Variants in TRRAP observed in about 807,000 individuals in gnomAD.
The protein encoded by TRRAP is transformation/transcription domain-associated protein.
In TRRAP, 41 loss-of-function variants were observed where a neutral mutation model predicts 438.8. That is an observed-to-expected ratio of 0.09 (90% CI 0.07 to 0.12). The LOEUF is 0.12. TRRAP is among the 10% of genes least tolerant of loss of function. The pLI, the probability that TRRAP is intolerant of heterozygous loss-of-function variation, is 1.00. For synonymous variants in TRRAP, 1,994 were observed against 1,962.9 expected (o/e 1.02, Z -0.42); for missense variants, 3,122 against 5,055.1 (o/e 0.62, Z 11.60).
At chr7:98,886,519 T>G (rs1207349043) in intron 3 of TRRAP, among the ~76,000 whole-genome samples, 2 of 151,900 alleles carry the variant, frequency 1.3e-5, no homozygotes, top group African/African-American at 4.8e-5. Context: ...TAGAGAGATA[T>G]AGATATCTAG....
At chr7:98,909,455 C>T (rs1461793917) in intron 14 of TRRAP, among the ~76,000 whole-genome samples, 1 of 152,186 alleles carries the variant, frequency 6.6e-6, no homozygotes. Context: ...TTCATCTTTT[C>T]ACTTGGGGTG....
intron 31 of TRRAP, among the ~76,000 whole-genome samples, 190 bp from the exon 32 acceptor site, chr7:98,945,557 C>T (rs1360361235): frequency 2.0e-5 from 3 of 152,136 alleles, no homozygotes; most frequent in Non-Finnish European, 4.4e-5. Context: ...TCAGATGGGC[C>T]GTGTTTTGAC....
chr7:98,942,144 C>A (rs1790824744), intron 30 of TRRAP, among the ~76,000 whole-genome samples: 1 of 152,192 alleles, frequency 6.6e-6, no homozygotes, highest in East Asian at 1.9e-4. Flanking sequence ...CTACCAGGTG[C>A]CTGGGTTAAG....
Position 98,967,873 on chromosome 7 carries a change from C to A in TRRAP, c.7512+175C>A, listed in dbSNP as rs376849757. On this transcript the variant is annotated intron_variant, in intron 51 of 72. Transcript: ENST00000456197. ...CTTCAGGGCAAGCGTTCATCTAAAGCGTTTTTGGGCTGATTTAAAATCCTG... is the reference window on the plus strand; with the variant it reads ...CTTCAGGGCAAGCGTTCATCTAAAGAGTTTTTGGGCTGATTTAAAATCCTG... Among the ~76,000 whole-genome samples the A allele has an allele frequency of 2.0e-5, 3 of 152,156 alleles. No homozygotes were observed. In the East Asian group the frequency reaches 5.8e-4, roughly 29 times the overall value.
chr7:98,885,526 G>A (rs898020658), intron 3 of TRRAP, among the ~76,000 whole-genome samples: 21 of 151,996 alleles, frequency 1.4e-4, no homozygotes, highest in African/African-American at 4.6e-4. Flanking sequence ...CTGTAGCAAT[G>A]GATAGTATTT....
At chr7:99,001,668 G>A (rs1793926361) in intron 67 of TRRAP, among the ~76,000 whole-genome samples, 1 of 152,156 alleles carries the variant, frequency 6.6e-6, no homozygotes, top group African/African-American at 2.4e-5. Flanking sequence ...TGTACACAGG[G>A]GAGGCTGTTT....
intron 3 of TRRAP, among the ~76,000 whole-genome samples, chr7:98,886,846 C>T (rs782803478): frequency 6.6e-6 from 1 of 152,154 alleles, no homozygotes; most frequent in Non-Finnish European, 1.5e-5. Flanking sequence ...AAACTGGTGG[C>T]TGAGTTGAGA....
intron 31 of TRRAP, among the ~76,000 whole-genome samples, chr7:98,944,964 C>T (rs191602779): frequency 1.0e-3 from 153 of 152,274 alleles, no homozygotes; most frequent in Middle Eastern, 3.4e-3. Context: ...GACACCACAT[C>T]CAGCTCATTT....
chr7:98,969,961 TG>T, intron 51 of TRRAP, 150 bp from the exon 52 acceptor site: 1 of 854,906 alleles, frequency 1.2e-6, no homozygotes, highest in Non-Finnish European at 1.8e-6. Context: ...GAAGCCCGTC[TG>T]GTTGGGGACA....
chr7:98,907,690 G>A (rs571928921), intron 13 of TRRAP, among the ~76,000 whole-genome samples: 5 of 152,318 alleles, frequency 3.3e-5, no homozygotes, highest in African/African-American at 1.2e-4. Flanking sequence ...CTGTCCACCT[G>A]TTCTACATCT....
At chr7:98,992,035 A>G in intron 64 of TRRAP, 102 bp from the exon 65 acceptor site, 2 of 1,325,664 alleles carry the variant, frequency 1.5e-6, no homozygotes, top group Non-Finnish European at 2.2e-6. Flanking sequence ...GGCAGATCAG[A>G]CACCTGTTTC....
chr7:98,964,706 T>C lies in TRRAP; in HGVS notation c.6907T>C (p.Ser2303Pro), dbSNP rs758753153. 3 of 1,613,886 alleles carry C rather than the reference T, an allele frequency of 1.9e-6. No homozygotes were observed. The South Asian group carries it at 3.3e-5, about 18-fold the overall frequency. The change falls in exon 48 of 73, where the codon TCC becomes CCC. Residue 2303 changes from serine (S) to proline (P), a missense_variant. Transcript: ENST00000456197. ...CAGGCTGATCTCCGTCTTTATGCGC[T>C]CCCTGCAGAAGATGGTCCGGGAGCA... ...IDRLISVFMR[S>P]LQKMVREHLN... is the part of the protein sequence containing the mutation.
Position 98,983,307 on chromosome 7 carries a change from A to G in TRRAP, c.8870A>G (p.Asn2957Ser), listed in dbSNP as rs1198479657. The G allele has an allele frequency of 1.2e-5, 19 of 1,614,012 alleles. No homozygotes were observed. The highest frequency in any genetic ancestry group is 1.7e-5 in the Admixed American group (1 of 60,004). Reference sequence around the variant, plus strand: ...GAACTCCAGGAAGCTGCACAAATCAACGCAGGCTTACAGCCAACCAACCTG... The same window carrying G: ...GAACTCCAGGAAGCTGCACAAATCAGCGCAGGCTTACAGCCAACCAACCTG... ...IIELQEAAQI[N>S]AGLQPTNLGR... The change falls in exon 60 of 73, where the codon AAC (asparagine) becomes AGC (serine). Residue 2957 changes from asparagine (N) to serine (S), a missense_variant. Asn to Ser is a conservative substitution (Grantham distance 46, BLOSUM62 1). Transcript: ENST00000456197.
intron 12 of TRRAP, among the ~76,000 whole-genome samples, chr7:98,904,564 T>C (rs1554407220): frequency 1.3e-5 from 2 of 151,904 alleles, no homozygotes; most frequent in African/African-American, 4.8e-5. Flanking sequence ...AGCTAGCCCC[T>C]TCTGAAGGCA....
rs775124918 is a variant in TRRAP, at chr7:98,971,871, A to G, written c.7765A>G (p.Lys2589Glu). The change falls in exon 53 of 73, where the codon AAG (lysine) becomes GAG (glutamate). Residue 2589 changes from lysine to glutamate, a missense_variant. This residue lies in a region of TRRAP where 992 missense variants were observed against 1,281.2 expected (regional missense o/e 0.77). Transcript: ENST00000456197. The part of the protein sequence containing the change: ...STPKTKELSE[K>E]DIGNQLHMLT... ...GCCCAAAACCAAAGAACTTTCAGAA[A>G]AGGACATTGGAAACCAGCTGCACAT... 6.2e-7 allele frequency: 1 copy of G among 1,614,206 alleles called. No individual in the cohort carries two copies. Among genetic ancestry groups the G allele is most frequent in the South Asian group, 1.1e-5 (1 of 91,084 alleles).
Position 98,948,475 on chromosome 7 carries a change from C to G in TRRAP, c.4669-91C>G, listed in dbSNP as rs1434372639. Reference sequence around the variant, plus strand: ...CAACATTTGCTTGTGGGTGTTCATGCACTCCAGTAACAAGGGACCTTGTTA... The same window carrying G: ...CAACATTTGCTTGTGGGTGTTCATGGACTCCAGTAACAAGGGACCTTGTTA... On this transcript the variant is annotated intron_variant, in intron 34 of 72. Coordinates refer to ENST00000456197, the MANE Select transcript of TRRAP (RefSeq NM_001375524.1). The surrounding 1 kb of genome is among the most constrained non-coding windows in gnomAD (Gnocchi z 4.9). 6 of 1,610,996 alleles carry G rather than the reference C, an allele frequency of 3.7e-6. No individual in the cohort carries two copies. Among genetic ancestry groups the G allele is most frequent in the Non-Finnish European group, 5.1e-6 (6 of 1,178,656 alleles).
intron 6 of TRRAP, among the ~76,000 whole-genome samples, chr7:98,895,434 G>GCC (rs1796154126): frequency 6.6e-6 from 1 of 152,130 alleles, no homozygotes; most frequent in Non-Finnish European, 1.5e-5. Context: ...GTGGTTTACG[G>GCC]CCCCACAGTA....
chr7:98,979,830 T>A (rs1792830647), intron 58 of TRRAP, among the ~76,000 whole-genome samples: 1 of 152,364 alleles, frequency 6.6e-6, no homozygotes, highest in African/African-American at 2.4e-5. Context: ...CTGGGTAATC[T>A]GCACTAAATT....
chr7:98,887,602 G>GA (rs1455378315), intron 3 of TRRAP, among the ~76,000 whole-genome samples: 1 of 151,802 alleles, frequency 6.6e-6, no homozygotes, highest in Non-Finnish European at 1.5e-5. Context: ...CGTGGTGGTG[G>GA]GCTCTGTAAT....
Sources: allele counts gnomAD v4.1 joint callset (sites outside exome capture counted in the v4.1 genomes callset), GRCh38; gene constraint gnomAD v4.1.1; regional missense constraint gnomAD v4.1.1; non-coding constraint Gnocchi (gnomAD v3.1); transcripts MANE v1.5; gene names NCBI Gene and HGNC (gene_info 2026-07-23, HGNC 2026-07-21).